The following SNTB1 variants were observed in gnomAD, a reference collection of about 807,000 sequenced individuals.
SNTB1 encodes syntrophin beta 1.
Under a neutral mutation model 48.9 loss-of-function variants are expected in SNTB1, and 36 were observed. That is an observed-to-expected ratio of 0.74 (90% CI 0.56 to 0.97). The LOEUF (loss-of-function observed/expected upper bound fraction) is 0.97, where lower values mean the gene tolerates loss of function less well. Among genes scored for constraint, SNTB1 ranks in the 50% least tolerant of loss-of-function variants. The pLI is 0.00. For synonymous variants in SNTB1, 299 were observed against 294.6 expected, an observed-to-expected ratio of 1.01 and a Z score of -0.15; for missense variants, 786 against 703.4, an observed-to-expected ratio of 1.12 and a Z score of -1.33.
At chr8:120,719,352 A>T (rs1818615713) in intron 1 of SNTB1, among the ~76,000 whole-genome samples, 1 of 152,128 alleles carries the variant, frequency 6.6e-6, no homozygotes, top group African/African-American at 2.4e-5. Context: ...AAAACATTGG[A>T]CTTCAAGTTC....
intron 1 of SNTB1, among the ~76,000 whole-genome samples, chr8:120,748,497 G>A (rs918906736): frequency 3.3e-5 from 5 of 152,132 alleles, no homozygotes; most frequent in Non-Finnish European, 7.4e-5. Context: ...TTGCTGTCTG[G>A]AAAAGTCAGA....
At chr8:120,591,052 A>G (rs185814920) in intron 3 of SNTB1, among the ~76,000 whole-genome samples, 1 of 152,234 alleles carries the variant, frequency 6.6e-6, no homozygotes, top group Non-Finnish European at 1.5e-5. Flanking sequence ...CAAGGCATTA[A>G]CATTTCCAAG....
intron 1 of SNTB1, among the ~76,000 whole-genome samples, chr8:120,720,339 G>A (rs868409032): frequency 6.6e-6 from 1 of 152,202 alleles, no homozygotes; most frequent in Non-Finnish European, 1.5e-5. Context: ...ATAGATTTAC[G>A]TGCCTTCAGC....
chr8:120,760,121 G>C (rs1244164233), intron 1 of SNTB1, among the ~76,000 whole-genome samples: 1 of 152,086 alleles, frequency 6.6e-6, no homozygotes, highest in Non-Finnish European at 1.5e-5. Flanking sequence ...TATTGAATTT[G>C]ATATAATTTT....
chr8:120,619,557 GA>G (rs975863312), intron 3 of SNTB1, among the ~76,000 whole-genome samples: 1 of 152,072 alleles, frequency 6.6e-6, no homozygotes, highest in African/African-American at 2.4e-5. Context: ...GCTCTCTTTG[GA>G]AACCCCATTT....
chr8:120,714,860 AAAC>A (rs1314895039), intron 1 of SNTB1, among the ~76,000 whole-genome samples: 1 of 152,226 alleles, frequency 6.6e-6, no homozygotes, highest in Non-Finnish European at 1.5e-5. Flanking sequence ...CTTCCTGCAG[AAAC>A]AACATCTGTT....
chr8:120,598,395 T>C (rs568084753), intron 3 of SNTB1, among the ~76,000 whole-genome samples: 1 of 152,320 alleles, frequency 6.6e-6, no homozygotes, highest in East Asian at 1.9e-4. Flanking sequence ...CTTCATCCTT[T>C]AGCATTCACA....
intron 1 of SNTB1, among the ~76,000 whole-genome samples, chr8:120,762,446 G>A (rs114205249): frequency 1.3e-4 from 20 of 152,252 alleles, no homozygotes; most frequent in African/African-American, 4.3e-4. Context: ...GGCCATGAAA[G>A]GCTGTGCATT....
At chr8:120,668,808 T>G (rs1411691219) in intron 2 of SNTB1, among the ~76,000 whole-genome samples, 1 of 152,218 alleles carries the variant, frequency 6.6e-6, no homozygotes, top group Non-Finnish European at 1.5e-5. Context: ...TAATTCTAAT[T>G]AGCCTTAGTA....
chr8:120,556,076 C>T (rs1430376500), intron 4 of SNTB1, among the ~76,000 whole-genome samples: 1 of 152,146 alleles, frequency 6.6e-6, no homozygotes, highest in East Asian at 1.9e-4. Flanking sequence ...TACACAAACC[C>T]AAGTCTAGGT....
intron 1 of SNTB1, among the ~76,000 whole-genome samples, chr8:120,811,002 C>G (rs1385246164): frequency 6.6e-6 from 1 of 152,188 alleles, no homozygotes. Context: ...CTGGGAAACC[C>G]TGCTAGCCTC....
At chr8:120,752,331 A>G (rs1322195236) in intron 1 of SNTB1, among the ~76,000 whole-genome samples, 1 of 152,146 alleles carries the variant, frequency 6.6e-6, no homozygotes, top group East Asian at 1.9e-4. Flanking sequence ...ATATTTAAAA[A>G]ATCACATTTT....
At chr8:120,717,502 C>T (rs139448569) in intron 1 of SNTB1, among the ~76,000 whole-genome samples, 1 of 152,308 alleles carries the variant, frequency 6.6e-6, no homozygotes, top group African/African-American at 2.4e-5. Flanking sequence ...CCACAATGTA[C>T]TCTATAATTT....
intron 1 of SNTB1, among the ~76,000 whole-genome samples, chr8:120,803,795 A>C (rs1320756634): frequency 2.0e-5 from 3 of 152,216 alleles, no homozygotes; most frequent in Non-Finnish European, 2.9e-5. Flanking sequence ...CTTAAAAAAG[A>C]AGCAATTAAA....
chr8:120,752,987 GAAAAAAA>G (rs60198716), intron 1 of SNTB1, among the ~76,000 whole-genome samples: 4,762 of 76,592 alleles, frequency 0.062, 215 homozygotes, highest in East Asian at 0.23. Context: ...AAAGCTGGAA[GAAAAAAA>G]AAAAAAAAAA....
At chr8:120,676,591 C>A (rs1817838841) in intron 2 of SNTB1, among the ~76,000 whole-genome samples, 1 of 152,134 alleles carries the variant, frequency 6.6e-6, no homozygotes, top group African/African-American at 2.4e-5. Flanking sequence ...TAGCTAAATG[C>A]TGGTATATAG....
chr8:120,613,743 T>G (rs551288146), intron 3 of SNTB1, among the ~76,000 whole-genome samples: 1 of 152,330 alleles, frequency 6.6e-6, no homozygotes, highest in Non-Finnish European at 1.5e-5. Context: ...TATTAATCTT[T>G]GTTGGGTATC....
chr8:120,623,720 G>A (rs1816828689), intron 3 of SNTB1, among the ~76,000 whole-genome samples: 1 of 152,188 alleles, frequency 6.6e-6, no homozygotes, highest in Non-Finnish European at 1.5e-5. Context: ...GGGCAAAGAG[G>A]AGGTGACCAG....
chr8:120,568,476 C>A (rs1815788794), intron 4 of SNTB1, among the ~76,000 whole-genome samples: 1 of 152,176 alleles, frequency 6.6e-6, no homozygotes, highest in Admixed American at 6.5e-5. Context: ...GCCAAAAGGT[C>A]AGTTAAAAAT....
Sources: allele counts gnomAD v4.1 joint callset (sites outside exome capture counted in the v4.1 genomes callset), GRCh38; gene constraint gnomAD v4.1.1; transcripts MANE v1.5; gene names NCBI Gene and HGNC (gene_info 2026-07-23, HGNC 2026-07-21).